DLGAP1: variants seen among roughly 807,000 people sequenced by gnomAD.
DLGAP1 encodes the protein disks large-associated protein 1.
A neutral mutation model predicts 90.8 loss-of-function variants in DLGAP1; 11 were observed. That is an observed-to-expected ratio of 0.12 (90% CI 0.08 to 0.20). The LOEUF (loss-of-function observed/expected upper bound fraction) is 0.20. Among genes scored for constraint, DLGAP1 ranks in the 10% least tolerant of loss-of-function variants. The probability of loss-of-function intolerance (pLI) is 1.00; values close to 1 mark genes in which losing one functional copy is unlikely to be tolerated. For synonymous variants in DLGAP1, 558 were observed against 540.7 expected (o/e 1.03, Z -0.44); for missense variants, 1,050 against 1,333.8 (o/e 0.79, Z 3.31).
chr18:4,447,516 G>C (rs546538493), intron 1 of DLGAP1, among the ~76,000 whole-genome samples: 2 of 152,092 alleles, frequency 1.3e-5, no homozygotes, highest in Non-Finnish European at 2.9e-5. Flanking sequence ...AGTGGGCTGA[G>C]TCCCTCTGAG....
chr18:4,188,377 T>C (rs949253829), intron 1 of DLGAP1, among the ~76,000 whole-genome samples: 1 of 152,134 alleles, frequency 6.6e-6, no homozygotes, highest in Non-Finnish European at 1.5e-5. Flanking sequence ...TAGGTATACG[T>C]TGTGCCATGG....
chr18:3,688,663 AC>A (rs1567965788), intron 7 of DLGAP1, among the ~76,000 whole-genome samples: 1,914 of 57,074 alleles, frequency 0.034, 60 homozygotes, highest in African/African-American at 0.097. Flanking sequence ...ACACACACAC[AC>A]ACACCCTACC....
chr18:4,322,958 A>C (rs2080732035), intron 1 of DLGAP1, among the ~76,000 whole-genome samples: 1 of 151,030 alleles, frequency 6.6e-6, no homozygotes, highest in Non-Finnish European at 1.5e-5. Context: ...AAAAAAAAAA[A>C]AAAAAAAAAA....
intron 1 of DLGAP1, among the ~76,000 whole-genome samples, chr18:4,257,684 G>A (rs2078917245): frequency 2.0e-5 from 3 of 151,316 alleles, no homozygotes; most frequent in Non-Finnish European, 4.4e-5. Flanking sequence ...GAGTGCAGTG[G>A]CACGATCTTG....
rs1169488386 is a variant in DLGAP1, at chr18:3,860,098, C to CAAAAAAAA, written c.957+19013_957+19014insTTTTTTTT. On this transcript the variant is annotated intron_variant, in intron 4 of 12. Transcript: ENST00000315677. ...TGGGCGACAGAGCGAGACTCTGTCT[C>CAAAAAAAA]AAAAAATAAATAAATAAATAAATTT... Among the ~76,000 whole-genome samples the CAAAAAAAA allele has an allele frequency of 7.7e-4, 81 of 104,936 alleles. 2 individuals carry two copies. In the Middle Eastern group the frequency reaches 0.014, roughly 19 times the overall value. The allele number at this position is 104,936 out of a possible 152,430, so 68.8% of individuals were successfully genotyped here.
intron 1 of DLGAP1, among the ~76,000 whole-genome samples, chr18:4,325,076 C>T (rs554182396): frequency 6.6e-6 from 1 of 152,264 alleles, no homozygotes; most frequent in African/African-American, 2.4e-5. Context: ...CAAACTATCC[C>T]TGTTTGCAGA....
At chr18:3,520,909 G>A (rs8087156) in intron 10 of DLGAP1, among the ~76,000 whole-genome samples, 99,467 of 151,978 alleles carry the variant, frequency 0.65, 33,857 homozygotes, top group Non-Finnish European at 0.76. Context: ...CTTTGGCACA[G>A]AGGAAACTCA....
chr18:4,356,314 T>TA (rs2081514745), intron 1 of DLGAP1, among the ~76,000 whole-genome samples: 1 of 152,120 alleles, frequency 6.6e-6, no homozygotes, highest in Non-Finnish European at 1.5e-5. Context: ...TTTATACCTC[T>TA]AGTCCAGTCT....
intron 7 of DLGAP1, among the ~76,000 whole-genome samples, chr18:3,718,926 G>GAAA (rs58552058): frequency 2.1e-5 from 2 of 95,474 alleles, no homozygotes; most frequent in African/African-American, 7.8e-5. Context: ...GACTTTGTCT[G>GAAA]AAAAAAAAAA....
intron 5 of DLGAP1, among the ~76,000 whole-genome samples, chr18:3,744,915 A>AT (rs1277014918): frequency 6.6e-6 from 1 of 152,216 alleles, no homozygotes; most frequent in Non-Finnish European, 1.5e-5. Flanking sequence ...GAGCAGCATT[A>AT]TTCATAACAG....
At chr18:4,066,434 C>A (rs895197768) in intron 2 of DLGAP1, among the ~76,000 whole-genome samples, 3 of 151,970 alleles carry the variant, frequency 2.0e-5, no homozygotes, top group African/African-American at 4.8e-5. Flanking sequence ...ATGCATCTGA[C>A]AAGGTCTAAT....
At chr18:4,441,016 T>C (rs9952227) in intron 1 of DLGAP1, among the ~76,000 whole-genome samples, 3,342 of 152,328 alleles carry the variant, frequency 0.022, 130 homozygotes, top group African/African-American at 0.077. Flanking sequence ...TAAGAGGCAA[T>C]GAGAACTTTC....
At position 3,636,505 on chromosome 18, in the gene DLGAP1, G is replaced by A. The variant is rs906404850; in HGVS notation, c.1592-54257C>T. 2.6e-5 allele frequency among the ~76,000 whole-genome samples: 4 copies of A among 151,500 alleles called. No individual in the cohort carries two copies. In the South Asian group the frequency reaches 6.2e-4, roughly 24 times the overall value. On this transcript the variant is annotated intron_variant, in intron 7 of 12. Coordinates refer to ENST00000315677, the MANE Select transcript of DLGAP1 (RefSeq NM_004746.4). The stretch of plus-strand genomic sequence containing the variant: ...CGACTCACTGTAACCTCCACCTCCC[G>A]GGTTCAAGTGATTCTCCTGCTTCAG...
chr18:4,400,398 CA>C (rs1468874329), intron 1 of DLGAP1, among the ~76,000 whole-genome samples: 7 of 152,228 alleles, frequency 4.6e-5, no homozygotes, highest in African/African-American at 1.7e-4. Flanking sequence ...GGAAAAAGGA[CA>C]AGCTGAGTTT....
At chr18:3,817,656 G>A (rs1423626594) in intron 4 of DLGAP1, among the ~76,000 whole-genome samples, 3 of 152,128 alleles carry the variant, frequency 2.0e-5, no homozygotes, top group African/African-American at 7.2e-5. Flanking sequence ...AAAGCAAAAG[G>A]GAGACATTGC....
At chr18:3,608,996 T>C (rs1324222359) in intron 7 of DLGAP1, among the ~76,000 whole-genome samples, 1 of 151,724 alleles carries the variant, frequency 6.6e-6, no homozygotes, top group African/African-American at 2.4e-5. Flanking sequence ...CCACCACGCC[T>C]GGCTAATTTT....
intron 1 of DLGAP1, among the ~76,000 whole-genome samples, chr18:4,389,586 T>C (rs2082300518): frequency 6.6e-6 from 1 of 152,236 alleles, no homozygotes; most frequent in Non-Finnish European, 1.5e-5. Flanking sequence ...GACTGTAGAA[T>C]GATTTTCTAT....
chr18:3,900,892 C>T (rs1190707948), intron 3 of DLGAP1, among the ~76,000 whole-genome samples: 2 of 152,146 alleles, frequency 1.3e-5, no homozygotes, highest in African/African-American at 4.8e-5. Context: ...GTCCAAGCCA[C>T]CTCGCCTCTC....
chr18:3,646,793 T>C (rs112458758), intron 7 of DLGAP1, among the ~76,000 whole-genome samples: 28,454 of 151,422 alleles, frequency 0.19, 2,874 homozygotes, highest in Non-Finnish European at 0.2. Context: ...GGCGTGGTGG[T>C]GGGCGCCTGT....
Sources: gnomAD v4.1 joint callset for allele counts (sites outside exome capture counted in the v4.1 genomes callset) on GRCh38, gnomAD v4.1.1 for gene constraint, MANE v1.5 for transcripts, NCBI Gene and HGNC (gene_info 2026-07-23, HGNC 2026-07-21) for gene names.